The following DNAH14 variants were observed in gnomAD, a reference collection of about 807,000 sequenced individuals.
DNAH14 encodes the protein dynein axonemal heavy chain 14, also known as axonemal beta dynein heavy chain 14.
A neutral mutation model predicts 520.9 loss-of-function variants in DNAH14; 478 were observed. The ratio of observed to expected loss-of-function variants is 0.92; its 90% CI spans 0.85 to 0.99. The LOEUF is 0.99. Among genes scored for constraint, DNAH14 ranks in the 50% least tolerant of loss-of-function variants. The probability of loss-of-function intolerance (pLI) is 0.00; values close to 1 mark genes in which losing one functional copy is unlikely to be tolerated. For missense variants in DNAH14, 4,831 were observed against 5,234.5 expected (o/e 0.92, Z 2.38); for synonymous variants, 1,581 against 1,757.2 (o/e 0.90, Z 2.51).
intron 27 of DNAH14, among the ~76,000 whole-genome samples, chr1:225,132,078 T>G (rs766933699): frequency 6.6e-6 from 1 of 152,184 alleles, no homozygotes; most frequent in African/African-American, 2.4e-5. Context: ...TGAGTGGTCA[T>G]CATTTTTAAA....
chr1:225,185,508 G>A, intron 37 of DNAH14, 83 bp downstream of exon 37: 2 of 1,323,332 alleles, frequency 1.5e-6, no homozygotes. Context: ...TCTTTATATT[G>A]GTATTTTCAT....
At chr1:225,376,153 G>A (rs1288061147) in intron 78 of DNAH14, among the ~76,000 whole-genome samples, 1 of 152,114 alleles carries the variant, frequency 6.6e-6, no homozygotes, top group Non-Finnish European at 1.5e-5. Flanking sequence ...TTGGCCAAAT[G>A]TGGTGGCTCA....
At chr1:225,231,859 C>T (rs1284576573) in intron 42 of DNAH14, among the ~76,000 whole-genome samples, 4 of 151,992 alleles carry the variant, frequency 2.6e-5, no homozygotes, top group Middle Eastern at 3.4e-3. Flanking sequence ...CTCAATGTAA[C>T]AACAAGAAAT....
chr1:225,217,129 A>T (rs2089461968), intron 41 of DNAH14, among the ~76,000 whole-genome samples: 1 of 152,088 alleles, frequency 6.6e-6, no homozygotes, highest in African/African-American at 2.4e-5. Flanking sequence ...AACAGTCAGG[A>T]CCCTCAACTG....
chr1:225,222,520 TGC>T (rs1208234607), intron 41 of DNAH14, among the ~76,000 whole-genome samples: 1 of 152,192 alleles, frequency 6.6e-6, no homozygotes, highest in African/African-American at 2.4e-5. Flanking sequence ...GGGTTGCCGC[TGC>T]TGGCTGGGGT....
In DNAH14 at chr1:225,324,283, T is replaced by C. The variant is rs1317050380; in HGVS notation, c.9557T>C (p.Leu3186Pro). The change falls in exon 63 of 86, where the codon CTG becomes CCG. Residue 3186 changes from leucine (L) to proline (P), a missense_variant. Transcript: ENST00000682510. ...LPDFNPHKIS[L>P]VSVACCSLCQ... ...GATTTCAACCCACACAAGATTTCGC[T>C]GGTTTCTGTTGCTTGTTGCTCCCTG... is the stretch of plus-strand genomic sequence containing the variant. The C allele has an allele frequency of 3.2e-6, 5 of 1,551,734 alleles. No homozygotes were observed. The Admixed American group carries it at 7.8e-5, about 24-fold the overall frequency.
At position 225,388,554 on chromosome 1, in the gene DNAH14, C is replaced by T. The variant is rs796150956; in HGVS notation, c.13190+63C>T. 42 of 898,840 alleles carry T rather than the reference C, an allele frequency of 4.7e-5. No individual in the cohort carries two copies. The African/African-American group carries it at 5.9e-4, about 13-fold the overall frequency. The allele number at this position is 898,840 out of a possible 1,614,324, so 55.7% of individuals were successfully genotyped here. A position where few individuals can be genotyped will look rare whatever the true frequency, so the allele number is the denominator to read the frequency against. ...TTGCTTAAAGCCCAAAGGTTTATGA[C>T]ATCATTTCCCATGCTTGGTCTCCTT... On this transcript the variant is annotated intron_variant, in intron 82 of 85. Transcript: ENST00000682510.
chr1:225,383,076 T>C (rs1044850512), intron 81 of DNAH14, among the ~76,000 whole-genome samples: 2 of 152,168 alleles, frequency 1.3e-5, no homozygotes, highest in Non-Finnish European at 2.9e-5. Context: ...CTGAGAGGGT[T>C]TTCTTTTGGA....
At chr1:224,995,221 G>A (rs1488369361) in intron 8 of DNAH14, among the ~76,000 whole-genome samples, 1 of 152,068 alleles carries the variant, frequency 6.6e-6, no homozygotes, top group Admixed American at 6.6e-5. Flanking sequence ...CTGTAAAGCA[G>A]GCCTGGTACT....
At chr1:225,390,087 C>T (rs1015634263) in intron 83 of DNAH14, among the ~76,000 whole-genome samples, 13 of 152,248 alleles carry the variant, frequency 8.5e-5, no homozygotes, top group African/African-American at 2.6e-4. Flanking sequence ...AATCCACCCA[C>T]CCCTATCAGA....
At chr1:225,109,583 A>G (rs1488315541) in intron 23 of DNAH14, among the ~76,000 whole-genome samples, 2 of 151,954 alleles carry the variant, frequency 1.3e-5, no homozygotes, top group East Asian at 1.9e-4. Context: ...TTACTTGTTT[A>G]TCAGTTCTAA....
At chr1:225,284,182 C>A (rs374825531) in intron 54 of DNAH14, among the ~76,000 whole-genome samples, 1 of 151,474 alleles carries the variant, frequency 6.6e-6, no homozygotes, top group African/African-American at 2.4e-5. Context: ...AATATAAAAC[C>A]AGTAGGGAAT....
rs189866976 is a variant in DNAH14, at chr1:225,247,001, A to T, written c.6749-5300A>T. Among the ~76,000 whole-genome samples the T allele has an allele frequency of 3.7e-3, 560 of 152,370 alleles. 4 individuals are homozygous for T. Among genetic ancestry groups the T allele is most frequent in the African/African-American group, 0.013 (542 of 41,588 alleles). ...CAAATGCCCATTAATGATAGACTGG[A>T]TAAGGAAAATGTGGCACATATACAC... On this transcript the variant is annotated intron_variant, in intron 43 of 85. Transcript: ENST00000682510.
At chr1:225,341,847 A>G (rs185742427) in intron 69 of DNAH14, among the ~76,000 whole-genome samples, 1 of 152,344 alleles carries the variant, frequency 6.6e-6, no homozygotes, top group Admixed American at 6.5e-5. Context: ...TTATCTAACA[A>G]TGGACTGCCT....
At chr1:225,390,252 T>C (rs1268967561) in intron 83 of DNAH14, among the ~76,000 whole-genome samples, 2 of 152,186 alleles carry the variant, frequency 1.3e-5, no homozygotes, top group African/African-American at 4.8e-5. Flanking sequence ...CAGCCATTCA[T>C]TCATTTATTT....
In DNAH14 at chr1:225,340,541, A is replaced by C. The variant is rs1456129504; in HGVS notation, c.10518A>C (p.Thr3506=). 5.8e-6 allele frequency: 9 copies of C among 1,551,364 alleles called. No homozygotes were observed. Among genetic ancestry groups the C allele is most frequent in the South Asian group, 4.8e-5 (4 of 84,064 alleles). The change falls in exon 69 of 86, where the codon ACA becomes ACC. Residue 3506 remains threonine, a synonymous_variant. Transcript: ENST00000682510. ...TTACTATGATCAACTTCACTGTAAC[A>C]TTCCAAGGTTTGCAAGATCAACTCT... ...NFVTMINFTV[T]FQGLQDQLLS...
chr1:225,316,945 T>C (rs1327183698), intron 60 of DNAH14, among the ~76,000 whole-genome samples: 1 of 152,274 alleles, frequency 6.6e-6, no homozygotes, highest in East Asian at 1.9e-4. Flanking sequence ...AATGTGTTTT[T>C]CATTTTTGAT....
chr1:225,013,282 G>A (rs1450110853), intron 10 of DNAH14, among the ~76,000 whole-genome samples: 1 of 152,038 alleles, frequency 6.6e-6, no homozygotes, highest in African/African-American at 2.4e-5. Context: ...GTTTGCCTGG[G>A]TATCACCAAT....
intron 11 of DNAH14, among the ~76,000 whole-genome samples, chr1:225,033,192 A>G (rs1405892075): frequency 6.6e-6 from 1 of 152,108 alleles, no homozygotes; most frequent in African/African-American, 2.4e-5. Flanking sequence ...GTTGTCTTCC[A>G]GGGTTTTTAT....
Sources: gnomAD v4.1 joint callset for allele counts (sites outside exome capture counted in the v4.1 genomes callset) on GRCh38, gnomAD v4.1.1 for gene constraint, MANE v1.5 for transcripts, NCBI Gene and HGNC (gene_info 2026-07-23, HGNC 2026-07-21) for gene names.